The following SOS1 variants were observed in gnomAD, a reference collection of about 807,000 sequenced individuals.
SOS1 encodes the protein son of sevenless homolog 1.
Under a neutral mutation model 157.6 loss-of-function variants are expected in SOS1, and 25 were observed. The observed-to-expected ratio is 0.16, with a 90% CI of 0.12 to 0.22. The LOEUF is 0.22. SOS1 is among the 10% of genes least tolerant of loss of function. The probability of loss-of-function intolerance (pLI) is 1.00; values close to 1 mark genes in which losing one functional copy is unlikely to be tolerated. For missense variants in SOS1, 1,237 were observed against 1,599.1 expected (o/e 0.77, Z 3.86); for synonymous variants, 528 against 534.0 (o/e 0.99, Z 0.16).
chr2:39,078,194 C>G (rs1282967364), intron 1 of SOS1, among the ~76,000 whole-genome samples: 2 of 152,130 alleles, frequency 1.3e-5, no homozygotes, highest in African/African-American at 4.8e-5. Context: ...ATCTCAATCT[C>G]AAGCCTCAGC....
At chr2:39,100,685 G>A (rs1169891123) in intron 1 of SOS1, among the ~76,000 whole-genome samples, 2 of 152,188 alleles carry the variant, frequency 1.3e-5, no homozygotes, top group African/African-American at 4.8e-5. Context: ...GGAAGCCAAG[G>A]CAGGAGGATT....
intron 5 of SOS1, among the ~76,000 whole-genome samples, chr2:39,052,729 A>G (rs549396906): frequency 3.3e-5 from 5 of 152,214 alleles, no homozygotes; most frequent in Non-Finnish European, 7.3e-5. Flanking sequence ...GTTTGGGGCT[A>G]TTACAAATAA....
intron 12 of SOS1, 114 bp downstream of exon 12, chr2:39,013,753 A>G (rs1572822620): frequency 1.0e-6 from 1 of 985,070 alleles, no homozygotes; most frequent in East Asian, 2.5e-5. Flanking sequence ...TAGTAAATTT[A>G]ATTTACTAAT....
At chr2:39,093,070 G>T (rs1040831709) in intron 1 of SOS1, among the ~76,000 whole-genome samples, 13 of 152,108 alleles carry the variant, frequency 8.5e-5, no homozygotes, top group African/African-American at 3.1e-4. Flanking sequence ...TAATACTACA[G>T]AAATACTTTT....
intron 1 of SOS1, among the ~76,000 whole-genome samples, chr2:39,103,884 A>G (rs1673066836): frequency 6.6e-6 from 1 of 152,226 alleles, no homozygotes. Flanking sequence ...TAAATGAGAG[A>G]AAATATTTGC....
intron 17 of SOS1, among the ~76,000 whole-genome samples, chr2:39,003,129 A>AT (rs1357902224): frequency 3.3e-5 from 5 of 151,726 alleles, no homozygotes; most frequent in East Asian, 3.9e-4. Context: ...ATTAATAATG[A>AT]TTTTTTTTAA....
chr2:39,097,559 C>CT (rs141309255), intron 1 of SOS1, among the ~76,000 whole-genome samples: 13,214 of 143,454 alleles, frequency 0.092, 1,716 homozygotes, highest in African/African-American at 0.29. Context: ...TCTTTTTTTT[C>CT]TTTTTTTTTT....
In SOS1 at chr2:39,118,922, T is replaced by G. The variant is rs141407982; in HGVS notation, c.87+1414A>C. 2.1e-3 allele frequency among the ~76,000 whole-genome samples: 321 copies of G among 152,342 alleles called. 1 individual carries two copies. Among genetic ancestry groups the G allele is most frequent in the African/African-American group, 7.1e-3 (296 of 41,574 alleles). On this transcript the variant is annotated intron_variant, in intron 1 of 22. Coordinates refer to ENST00000402219, the MANE Select transcript of SOS1 (RefSeq NM_005633.4). ...ACTGCTTCAAAGGATCCTCAGCTGA[T>G]ACCTTGGTGATTCCCCTGGGAAAGG... is the stretch of plus-strand genomic sequence containing the variant.
chr2:39,001,517 C>T (rs1034267760), intron 17 of SOS1, among the ~76,000 whole-genome samples: 39 of 152,118 alleles, frequency 2.6e-4, no homozygotes, highest in Non-Finnish European at 1.2e-4. Flanking sequence ...GTTGTGCCAG[C>T]AAAAGATGGG....
intron 1 of SOS1, among the ~76,000 whole-genome samples, chr2:39,101,893 T>C (rs1672979346): frequency 6.6e-6 from 1 of 152,104 alleles, no homozygotes; most frequent in Admixed American, 6.6e-5. Context: ...AGTTTCATTT[T>C]GATTCTTTTT....
At position 39,022,685 on chromosome 2, in the gene SOS1, G is replaced by A; in HGVS notation, c.1743C>T (p.Asp581=). Residue 581 remains aspartate (D), a synonymous_variant, in exon 10 of 23, where the codon GAC becomes GAT. Transcript: ENST00000402219. ...CTTCAAATATAATATTCTCTTCAGA[G>A]TCAGGCTCTGCAAATCTATAAACAT... ...SADVYRFAEP[D]SEENIIFEEN... 6 of 1,613,310 alleles carry A rather than the reference G, an allele frequency of 3.7e-6. No individual in the cohort carries two copies. The South Asian group carries it at 4.4e-5, about 12-fold the overall frequency.
In SOS1 at chr2:39,032,018, TCAA is replaced by T. The variant is rs1448433965; in HGVS notation, c.1074+3191_1074+3193del. On this transcript the variant is annotated intron_variant, in intron 8 of 22. Transcript: ENST00000402219. Reference sequence around the variant, plus strand: ...ACACTATTTTTAATTTATTTTTTAATCAACAAGTAAAAATCATATGTTTATGGT... The same window carrying T: ...ACACTATTTTTAATTTATTTTTTAATCAAGTAAAAATCATATGTTTATGGT... 3.9e-5 allele frequency among the ~76,000 whole-genome samples: 6 copies of T among 152,346 alleles called. No individual in the cohort carries two copies. The East Asian group carries it at 9.7e-4, about 25-fold the overall frequency.
At chr2:38,998,170 C>T (rs1668962033) in intron 17 of SOS1, among the ~76,000 whole-genome samples, 1 of 152,146 alleles carries the variant, frequency 6.6e-6, no homozygotes. Context: ...AAATAACAGG[C>T]ACTTTCTATT....
chr2:39,016,967 T>A (rs557328425), intron 10 of SOS1, among the ~76,000 whole-genome samples: 10 of 152,244 alleles, frequency 6.6e-5, no homozygotes, highest in Admixed American at 3.3e-4. Flanking sequence ...CCATTTCAGT[T>A]CTTTAGTAAT....
intron 1 of SOS1, among the ~76,000 whole-genome samples, chr2:39,076,705 A>G (rs1027136587): frequency 1.3e-5 from 2 of 152,224 alleles, no homozygotes; most frequent in Non-Finnish European, 2.9e-5. Context: ...GTGCAATACT[A>G]AAAGAACTAC....
At chr2:38,992,244 C>CTGAT (rs1223307377) in intron 20 of SOS1, 6 of 25,988 alleles carry the variant, frequency 2.3e-4, no homozygotes, top group Admixed American at 4.4e-4. Flanking sequence ...ACAAAAGCAA[C>CTGAT]TGATAGGTTT....
At chr2:39,019,606 T>C (rs1669732401) in intron 10 of SOS1, among the ~76,000 whole-genome samples, 1 of 151,702 alleles carries the variant, frequency 6.6e-6, no homozygotes, top group South Asian at 2.1e-4. Flanking sequence ...AGATTCCACC[T>C]AAGACCCTGT....
At chr2:39,046,791 C>A (rs898532679) in intron 6 of SOS1, among the ~76,000 whole-genome samples, 2 of 152,190 alleles carry the variant, frequency 1.3e-5, no homozygotes, top group East Asian at 3.8e-4. Flanking sequence ...GTGCAAGCCA[C>A]CGGCCTACAT....
rs1347108059 is a variant in SOS1, at chr2:38,981,588, G to T, written c.*4236C>A. 6.6e-6 allele frequency: 1 copy of T among 151,806 alleles called. No individual in the cohort carries two copies. The highest frequency in any genetic ancestry group is 1.5e-5 in the Non-Finnish European group (1 of 67,964). 9.4% of individuals were successfully genotyped at this position (151,806 alleles called of 1,614,324 possible). On this transcript the variant is annotated 3_prime_UTR_variant, in exon 23 of 23. Transcript: ENST00000402219. ...AGGCATTTTTCTTTATTATTTTTCAGTTTATCTTAGTAATGCCAGAAAAAT... is the reference window on the plus strand; with the variant it reads ...AGGCATTTTTCTTTATTATTTTTCATTTTATCTTAGTAATGCCAGAAAAAT...
Sources: gnomAD v4.1 joint callset for allele counts (sites outside exome capture counted in the v4.1 genomes callset) on GRCh38, gnomAD v4.1.1 for gene constraint, MANE v1.5 for transcripts, NCBI Gene and HGNC (gene_info 2026-07-23, HGNC 2026-07-21) for gene names.